The following CNTN4 variants were observed in gnomAD, a reference collection of about 807,000 sequenced individuals.
CNTN4 encodes the protein contactin 4.
Under a neutral mutation model 122.5 loss-of-function variants are expected in CNTN4, and 77 were observed. The observed-to-expected ratio is 0.63, with a 90% CI of 0.52 to 0.76. CNTN4 has a LOEUF of 0.76. Ranked by LOEUF, CNTN4 falls within the 30% of genes least tolerant of loss-of-function variation. The pLI, the probability that CNTN4 is intolerant of heterozygous loss-of-function variation, is 0.00. For synonymous variants in CNTN4, 512 were observed against 447.0 expected, an observed-to-expected ratio of 1.15 and a Z score of -1.83; for missense variants, 1,256 against 1,259.1, an observed-to-expected ratio of 1.00 and a Z score of 0.04.
At chr3:2,565,272 C>T (rs1023051640) in intron 3 of CNTN4, among the ~76,000 whole-genome samples, 1 of 152,110 alleles carries the variant, frequency 6.6e-6, no homozygotes, top group African/African-American at 2.4e-5. Context: ...ATGCTTGGGA[C>T]AAATAATCTA....
At chr3:3,054,867 A>C (rs930275097) in intron 24 of CNTN4, among the ~76,000 whole-genome samples, 1 of 152,216 alleles carries the variant, frequency 6.6e-6, no homozygotes, top group Non-Finnish European at 1.5e-5. Context: ...CAGCAATAAA[A>C]AAAAGACTGT....
At chr3:2,823,465 G>A (rs866737520) in intron 7 of CNTN4, among the ~76,000 whole-genome samples, 1 of 152,158 alleles carries the variant, frequency 6.6e-6, no homozygotes, top group African/African-American at 2.4e-5. Context: ...TGGCCTCTTT[G>A]TCATCTCTTG....
intron 4 of CNTN4, among the ~76,000 whole-genome samples, chr3:2,625,429 T>C (rs1441424001): frequency 6.6e-6 from 1 of 152,250 alleles, no homozygotes; most frequent in Non-Finnish European, 1.5e-5. Context: ...AAGCCAATTA[T>C]CATTTACCAT....
intron 3 of CNTN4, among the ~76,000 whole-genome samples, chr3:2,398,935 T>C (rs1348724277): frequency 6.6e-6 from 1 of 152,136 alleles, no homozygotes; most frequent in Non-Finnish European, 1.5e-5. Context: ...CATATATTGA[T>C]TTATTACATA....
chr3:2,827,584 A>G (rs573375545), intron 7 of CNTN4, among the ~76,000 whole-genome samples: 1 of 152,348 alleles, frequency 6.6e-6, no homozygotes, highest in Admixed American at 6.5e-5. Flanking sequence ...TATGGAATTT[A>G]CATCTATTAT....
Position 3,056,099 on chromosome 3 carries a change from G to T in CNTN4, c.2981-21G>T, listed in dbSNP as rs201037109. ...AAGCCGGGATGGGGCTGTTTTGAGT[G>T]AATTTGTTCTCTCTTTTCAGATGCC... On this transcript the variant is annotated intron_variant, in intron 24 of 24. Coordinates refer to ENST00000418658, the MANE Select transcript of CNTN4 (RefSeq NM_175607.3). 96 of 1,605,474 alleles carry T rather than the reference G, an allele frequency of 6.0e-5. No individual in the cohort carries two copies. In the African/African-American group the frequency reaches 1.1e-3, roughly 19 times the overall value.
chr3:2,195,314 G>A (rs1247947826), intron 2 of CNTN4, among the ~76,000 whole-genome samples: 1 of 152,042 alleles, frequency 6.6e-6, no homozygotes, highest in Admixed American at 6.6e-5. Context: ...TTCTTTATCT[G>A]TTCACCCATT....
intron 14 of CNTN4, among the ~76,000 whole-genome samples, chr3:3,001,139 A>G (rs1259821541): frequency 6.6e-6 from 1 of 152,194 alleles, no homozygotes; most frequent in Non-Finnish European, 1.5e-5. Context: ...TGAAAATCAA[A>G]TGTCAGCTTT....
At chr3:2,781,051 G>C (rs906090270) in intron 6 of CNTN4, among the ~76,000 whole-genome samples, 2 of 151,996 alleles carry the variant, frequency 1.3e-5, no homozygotes, top group Non-Finnish European at 2.9e-5. Flanking sequence ...CAGTAGAAAT[G>C]GGAAAAATAA....
chr3:3,042,606 T>C (rs1700265464), intron 21 of CNTN4, among the ~76,000 whole-genome samples, 184 bp downstream of exon 21: 1 of 152,232 alleles, frequency 6.6e-6, no homozygotes, highest in Non-Finnish European at 1.5e-5. Flanking sequence ...CCTTTTTCTA[T>C]GTTATATTCT....
intron 12 of CNTN4, among the ~76,000 whole-genome samples, chr3:2,918,426 C>G (rs2094392616): frequency 1.3e-5 from 2 of 152,204 alleles, no homozygotes; most frequent in South Asian, 2.1e-4. Context: ...CTGGGGAAAG[C>G]TGAACTTCCA....
chr3:2,871,000 C>G (rs2093778030), intron 8 of CNTN4, among the ~76,000 whole-genome samples: 1 of 152,138 alleles, frequency 6.6e-6, no homozygotes, highest in Admixed American at 6.5e-5. Context: ...CTGGGGCTCC[C>G]TGTTCCCTTT....
intron 4 of CNTN4, among the ~76,000 whole-genome samples, chr3:2,682,930 T>A (rs904609307): frequency 3.5e-5 from 4 of 114,406 alleles, no homozygotes; most frequent in African/African-American, 1.0e-4. Context: ...GCCGCCAGCA[T>A]CCAAATGTGC....
chr3:2,217,127 T>C (rs1617354), intron 2 of CNTN4, among the ~76,000 whole-genome samples: 102,665 of 151,882 alleles, frequency 0.68, 34,924 homozygotes, highest in Non-Finnish European at 0.7. Context: ...AAATTCAGCC[T>C]CTGAAATTCA....
intron 3 of CNTN4, among the ~76,000 whole-genome samples, chr3:2,399,987 T>C (rs2046780698): frequency 6.6e-6 from 1 of 152,052 alleles, no homozygotes; most frequent in African/African-American, 2.4e-5. Context: ...GGAAGAAATA[T>C]AATTGTGTGC....
intron 2 of CNTN4, among the ~76,000 whole-genome samples, chr3:2,185,937 T>G (rs556554330): frequency 2.0e-5 from 3 of 152,300 alleles, no homozygotes; most frequent in East Asian, 1.9e-4. Context: ...TTTTTTAATT[T>G]TTTATTATTA....
At chr3:2,549,509 T>C (rs998361513) in intron 3 of CNTN4, among the ~76,000 whole-genome samples, 12 of 152,204 alleles carry the variant, frequency 7.9e-5, no homozygotes, top group Non-Finnish European at 2.9e-5. Context: ...ATTGATTGAT[T>C]AGCATATGTT....
At chr3:2,561,505 C>G (rs1575999115) in intron 3 of CNTN4, among the ~76,000 whole-genome samples, 1 of 152,076 alleles carries the variant, frequency 6.6e-6, no homozygotes, top group Non-Finnish European at 1.5e-5. Context: ...ATGGATTTCC[C>G]CCTTTGGCAC....
At chr3:2,808,217 CT>C (rs11298854) in intron 6 of CNTN4, among the ~76,000 whole-genome samples, 36,866 of 151,996 alleles carry the variant, frequency 0.24, 5,215 homozygotes, top group Non-Finnish European at 0.32. Flanking sequence ...AACTGTGGTC[CT>C]TATGTCTCCA....
Sources: allele counts gnomAD v4.1 joint callset (sites outside exome capture counted in the v4.1 genomes callset), GRCh38; gene constraint gnomAD v4.1.1; transcripts MANE v1.5; gene names NCBI Gene and HGNC (gene_info 2026-07-23, HGNC 2026-07-21).